Variants in NCAM1 observed in about 807,000 individuals in gnomAD.
NCAM1 encodes the protein antigen recognized by monoclonal antibody 5.1H11.
A neutral mutation model predicts 109.8 loss-of-function variants in NCAM1; 14 were observed. That is an observed-to-expected ratio of 0.13 (90% confidence interval 0.08 to 0.20). NCAM1 has a LOEUF of 0.20. Among genes scored for constraint, NCAM1 ranks in the 10% least tolerant of loss-of-function variants. The pLI is 1.00. For missense variants in NCAM1, 774 were observed against 1,109.9 expected (o/e 0.70, Z 4.30); for synonymous variants, 418 against 442.9 (o/e 0.94, Z 0.70).
At chr11:113,094,972 C>T (rs965754503) in intron 1 of NCAM1, among the ~76,000 whole-genome samples, 2 of 152,076 alleles carry the variant, frequency 1.3e-5, no homozygotes, top group African/African-American at 4.8e-5. Context: ...AAAATAGTAT[C>T]GGGTTTTGAA....
chr11:113,252,728 G>A (rs779220193), intron 15 of NCAM1, among the ~76,000 whole-genome samples: 18 of 150,856 alleles, frequency 1.2e-4, no homozygotes, highest in Admixed American at 2.6e-4. Flanking sequence ...CTCTGCCTCC[G>A]GGGTTCAAGT....
chr11:113,260,211 C>T lies in NCAM1; in HGVS notation c.2019C>T (p.Ser673=). ...GCAGTGACCACGTCATGCTGAAGTCCCTGGACTGGAATGCTGAGTATGAGG... is the reference window on the plus strand; with the variant it reads ...GCAGTGACCACGTCATGCTGAAGTCTCTGGACTGGAATGCTGAGTATGAGG... ...PSGSDHVMLK[S]LDWNAEYEVY... The change falls in exon 17 of 20, where the codon TCC becomes TCT. Residue 673 remains serine (S), a synonymous_variant. Transcript: ENST00000316851. The T allele has an allele frequency of 6.2e-7, 1 of 1,613,920 alleles. No homozygotes were observed. The highest frequency in any genetic ancestry group is 8.5e-7 in the Non-Finnish European group (1 of 1,179,868).
chr11:113,237,891 G>GATATAGATATATAGATAT (rs869125853), intron 14 of NCAM1, among the ~76,000 whole-genome samples: 1 of 31,356 alleles, frequency 3.2e-5, no homozygotes. Context: ...TAGATATATA[G>GATATAGATATATAGATAT]ATATAGATAT....
At chr11:113,077,466 A>T (rs1220664933) in intron 1 of NCAM1, among the ~76,000 whole-genome samples, 1 of 152,206 alleles carries the variant, frequency 6.6e-6, no homozygotes, top group East Asian at 1.9e-4. Flanking sequence ...GCCTGTCCCC[A>T]GGGATCCAGC....
chr11:113,036,032 G>C (rs1952869363), intron 1 of NCAM1, among the ~76,000 whole-genome samples: 1 of 151,786 alleles, frequency 6.6e-6, no homozygotes, highest in South Asian at 2.1e-4. Context: ...CTCCTGTCCT[G>C]GGTGCCTGGG....
chr11:113,256,063 G>A lies in NCAM1; in HGVS notation c.1953+62G>A. Reference sequence around the variant, plus strand: ...GCAACCCTGGCACCCAGCTTGCTAGGGAAACAACAGGGGCAGCCCACGGGG... The same window carrying A: ...GCAACCCTGGCACCCAGCTTGCTAGAGAAACAACAGGGGCAGCCCACGGGG... On this transcript the variant is annotated intron_variant, in intron 16 of 19. Coordinates refer to ENST00000316851, the MANE Select transcript of NCAM1 (RefSeq NM_181351.5). 3.9e-6 allele frequency: 6 copies of A among 1,548,882 alleles called. No individual in the cohort carries two copies. In the South Asian group the frequency reaches 7.2e-5, roughly 19 times the overall value.
At chr11:113,111,762 CATAT>C (rs145591048) in intron 1 of NCAM1, among the ~76,000 whole-genome samples, 1 of 152,006 alleles carries the variant, frequency 6.6e-6, no homozygotes, top group Non-Finnish European at 1.5e-5. Flanking sequence ...ATATGTATCA[CATAT>C]ATATATGTCT....
intron 1 of NCAM1, among the ~76,000 whole-genome samples, chr11:113,183,337 G>C (rs575541579): frequency 6.6e-6 from 1 of 152,304 alleles, no homozygotes; most frequent in East Asian, 1.9e-4. Context: ...TGTGGGATCT[G>C]TCTGTCCCGC....
intron 8 of NCAM1, among the ~76,000 whole-genome samples, chr11:113,218,443 C>T (rs1555114705): frequency 2.0e-5 from 3 of 152,108 alleles, no homozygotes; most frequent in Non-Finnish European, 2.9e-5. Context: ...TTGTGTTTTG[C>T]TTCACTGCTG....
intron 15 of NCAM1, among the ~76,000 whole-genome samples, chr11:113,254,457 GGATCTTGT>G (rs1244218145): frequency 6.6e-6 from 1 of 152,214 alleles, no homozygotes; most frequent in African/African-American, 2.4e-5. Flanking sequence ...ATCACTGGAA[GGATCTTGT>G]TACAGGTCTA....
At chr11:113,241,164 AAGGAATTGACC>A (rs1423842156) in intron 14 of NCAM1, among the ~76,000 whole-genome samples, 1 of 152,230 alleles carries the variant, frequency 6.6e-6, no homozygotes, top group African/African-American at 2.4e-5. Flanking sequence ...GGAGAAGCCA[AAGGAATTGACC>A]AAGAAAAATG....
intron 1 of NCAM1, among the ~76,000 whole-genome samples, chr11:113,052,006 G>T (rs1472055509): frequency 1.3e-5 from 2 of 152,200 alleles, no homozygotes; most frequent in African/African-American, 4.8e-5. Context: ...TCCTGTGGCC[G>T]CATGAACTCT....
chr11:113,235,236 C>G, intron 14 of NCAM1, 72 bp downstream of exon 14: 1 of 1,611,642 alleles, frequency 6.2e-7, no homozygotes, highest in Non-Finnish European at 8.5e-7. Flanking sequence ...GAACCCTGAG[C>G]TGGCCCATGT....
In NCAM1 at chr11:113,273,665, C is replaced by A. The variant is rs142447171; in HGVS notation, c.2457-1602C>A. On this transcript the variant is annotated intron_variant, in intron 19 of 19. Coordinates refer to ENST00000316851, the MANE Select transcript of NCAM1 (RefSeq NM_181351.5). This position sits in a 1 kb window ranked among gnomAD's most constrained non-coding sequence, Gnocchi z 6.0. ...TTGCAGCCCTGGGCTCTCCTGCTCC[C>A]GCCGCTGGGGCCAGTGGACAAGCCC... The A allele has an allele frequency of 4.2e-3, 1,900 of 456,184 alleles. 13 individuals carry two copies. The highest frequency in any genetic ancestry group is 8.4e-3 in the South Asian group (542 of 64,518). The allele number at this position is 456,184 out of a possible 1,614,324, so 28.3% of individuals were successfully genotyped here.
intron 14 of NCAM1, 70 bp downstream of exon 14, chr11:113,235,234 A>G: frequency 1.9e-6 from 3 of 1,611,906 alleles, no homozygotes; most frequent in Non-Finnish European, 2.5e-6. Flanking sequence ...GGGAACCCTG[A>G]GCTGGCCCAT....
chr11:113,242,879 C>T, intron 14 of NCAM1: 1 of 1,613,772 alleles, frequency 6.2e-7, no homozygotes. Flanking sequence ...CTCGGCCAGA[C>T]CTCTGATCGC....
intron 1 of NCAM1, among the ~76,000 whole-genome samples, chr11:113,033,752 A>AC (rs1952785998): frequency 6.6e-6 from 1 of 152,158 alleles, no homozygotes; most frequent in South Asian, 2.1e-4. Context: ...CATTTGTTGA[A>AC]CTTCCGCTGT....
chr11:112,993,547 A>T (rs1191783663), intron 1 of NCAM1, among the ~76,000 whole-genome samples: 2 of 152,166 alleles, frequency 1.3e-5, no homozygotes, highest in Non-Finnish European at 2.9e-5. Context: ...ATTTTGTGAG[A>T]TGAGGATTAA....
intron 1 of NCAM1, among the ~76,000 whole-genome samples, chr11:113,060,115 T>G (rs76228155): frequency 6.6e-6 from 1 of 152,252 alleles, no homozygotes; most frequent in Non-Finnish European, 1.5e-5. Context: ...TTCCTGACTT[T>G]ATAATATTTG....
Sources: gnomAD v4.1 joint callset for allele counts (sites outside exome capture counted in the v4.1 genomes callset) on GRCh38, gnomAD v4.1.1 for gene constraint, Gnocchi (gnomAD v3.1) non-coding constraint, MANE v1.5 for transcripts, NCBI Gene and HGNC (gene_info 2026-07-23, HGNC 2026-07-21) for gene names.